DRC5: variants seen among roughly 807,000 people sequenced by gnomAD.
DRC5 encodes the protein dynein regulatory complex subunit 5.
At chr6:44,296,941 G>T in the DRC5 span, among the ~76,000 whole-genome samples, 379 of 150,202 alleles carry the variant, frequency 2.5e-3, 25 homozygotes, top group South Asian at 7.9e-3. Flanking sequence ...GCCTCGGCCC[G>T]TGTGCTTGGA....
At chr6:44,285,537 G>A in the DRC5 span, among the ~76,000 whole-genome samples, 5 of 152,248 alleles carry the variant, frequency 3.3e-5, no homozygotes, top group East Asian at 1.9e-4. Context: ...GACTACAAGC[G>A]TGCCTGGACC....
the DRC5 span, chr6:44,279,992 ACCCTTTCTTCC>A: frequency 1.1e-4 from 65 of 573,326 alleles, no homozygotes; most frequent in Non-Finnish European, 1.7e-4. Context: ...CCTACTGCAT[ACCCTTTCTTCC>A]CCCATGCCAG....
chr6:44,289,009 A>AAAG, the DRC5 span, among the ~76,000 whole-genome samples: 1 of 125,228 alleles, frequency 8.0e-6, no homozygotes, highest in East Asian at 2.0e-4. Context: ...AAAAAAAAAA[A>AAAG]AAAAAAAAAA....
At chr6:44,282,083 C>T in the DRC5 span, 8 of 1,596,332 alleles carry the variant, frequency 5.0e-6, no homozygotes, top group Non-Finnish European at 6.9e-6. Flanking sequence ...CACACCCACC[C>T]TCACAAGCCC....
At chr6:44,295,917 C>T in the DRC5 span, among the ~76,000 whole-genome samples, 2 of 152,172 alleles carry the variant, frequency 1.3e-5, no homozygotes, top group Admixed American at 6.5e-5. Flanking sequence ...GTGTGTGAGA[C>T]ATTTCATATA....
the DRC5 span, chr6:44,280,093 C>T: frequency 3.2e-6 from 4 of 1,250,404 alleles, no homozygotes; most frequent in Admixed American, 3.6e-5. Flanking sequence ...TCCCCGCTCC[C>T]TCTGAACCAG....
chr6:44,294,772 CAAAAAAAAAA>C, the DRC5 span, among the ~76,000 whole-genome samples: 1 of 88,764 alleles, frequency 1.1e-5, no homozygotes, highest in East Asian at 3.7e-4. Context: ...AACTCTGTCT[CAAAAAAAAAA>C]AAAAAAAAAA....
At chr6:44,290,929 C>T in the DRC5 span, among the ~76,000 whole-genome samples, 1 of 152,346 alleles carries the variant, frequency 6.6e-6, no homozygotes, top group South Asian at 2.1e-4. Flanking sequence ...CACCGTCTAG[C>T]ACCTCACTTT....
chr6:44,286,129 G>T, the DRC5 span: 3 of 1,614,070 alleles, frequency 1.9e-6, no homozygotes, highest in Non-Finnish European at 2.5e-6. Flanking sequence ...CCAGTTGGTA[G>T]TGGTCAACGG....
the DRC5 span, chr6:44,280,214 T>G: frequency 0.96 from 1,544,327 of 1,614,114 alleles, 741,537 homozygotes; most frequent in East Asian, 1. Flanking sequence ...CATTGGCAGT[T>G]ATGGTTGACA....
At chr6:44,282,337 C>A in the DRC5 span, 1 of 1,614,200 alleles carries the variant, frequency 6.2e-7, no homozygotes, top group Non-Finnish European at 8.5e-7. Context: ...TGTGCCAGAG[C>A]GTGAGCCAGG....
the DRC5 span, chr6:44,282,339 T>G: frequency 6.2e-7 from 1 of 1,614,220 alleles, no homozygotes; most frequent in Non-Finnish European, 8.5e-7. Flanking sequence ...TGCCAGAGCG[T>G]GAGCCAGGGA....
At chr6:44,284,286 T>C in the DRC5 span, among the ~76,000 whole-genome samples, 1 of 151,878 alleles carries the variant, frequency 6.6e-6, no homozygotes, top group Non-Finnish European at 1.5e-5. Flanking sequence ...AACATACCCC[T>C]CCCTTGCTCT....
the DRC5 span, among the ~76,000 whole-genome samples, chr6:44,284,201 C>G: frequency 6.6e-6 from 1 of 152,138 alleles, no homozygotes; most frequent in Non-Finnish European, 1.5e-5. Context: ...AAATAGCTCC[C>G]CCTCAGTGAC....
At chr6:44,296,225 C>G in the DRC5 span, among the ~76,000 whole-genome samples, 1 of 152,222 alleles carries the variant, frequency 6.6e-6, no homozygotes, top group African/African-American at 2.4e-5. Context: ...TCATTCATAG[C>G]ACTTTTCCAG....
the DRC5 span, among the ~76,000 whole-genome samples, chr6:44,295,091 G>A: frequency 6.6e-6 from 1 of 152,186 alleles, no homozygotes; most frequent in South Asian, 2.1e-4. Flanking sequence ...CTTCCTCTCC[G>A]GAGCTTTCTT....
chr6:44,291,651 T>G, the DRC5 span, among the ~76,000 whole-genome samples: 4 of 152,230 alleles, frequency 2.6e-5, no homozygotes, highest in African/African-American at 7.2e-5. Context: ...TCCGCCATGG[T>G]CGTCCACTCA....
the DRC5 span, among the ~76,000 whole-genome samples, chr6:44,284,776 T>G: frequency 6.6e-6 from 1 of 152,190 alleles, no homozygotes; most frequent in Non-Finnish European, 1.5e-5. Flanking sequence ...CCTTTGAGTC[T>G]CCACAGACAC....
chr6:44,296,964 G>A, the DRC5 span, among the ~76,000 whole-genome samples: 2 of 152,416 alleles, frequency 1.3e-5, 1 homozygote, highest in South Asian at 4.1e-4. Context: ...TGGGCTGGGT[G>A]AAACCGCCAG....
Sources: allele counts gnomAD v4.1 joint callset (sites outside exome capture counted in the v4.1 genomes callset), GRCh38; gene constraint gnomAD v4.1.1; transcripts MANE v1.5; gene names NCBI Gene and HGNC (gene_info 2026-07-23, HGNC 2026-07-21).